Variants in DDX10 observed in about 807,000 individuals in gnomAD.
DDX10 encodes DEAD-box helicase 10, also known as probable ATP-dependent RNA helicase DDX10.
DDX10 carries 74 observed loss-of-function variants against 104.3 expected under a neutral mutation model. The ratio of observed to expected loss-of-function variants is 0.71; its 90% confidence interval spans 0.59 to 0.86. The LOEUF is 0.86. DDX10 is among the 40% of genes least tolerant of loss of function. The pLI, the probability that DDX10 is intolerant of heterozygous loss-of-function variation, is 0.00. For synonymous variants in DDX10, 351 were observed against 353.4 expected (o/e 0.99, Z 0.08); for missense variants, 952 against 1,040.0 (o/e 0.92, Z 1.16).
At chr11:108,864,495 C>T (rs1862982435) in intron 16 of DDX10, among the ~76,000 whole-genome samples, 1 of 151,926 alleles carries the variant, frequency 6.6e-6, no homozygotes, top group African/African-American at 2.4e-5. Flanking sequence ...TTTTTGGTGA[C>T]AGGGTCTTAC....
chr11:108,778,039 A>T (rs2094372462), intron 13 of DDX10, among the ~76,000 whole-genome samples: 1 of 152,216 alleles, frequency 6.6e-6, no homozygotes, highest in African/African-American at 2.4e-5. Flanking sequence ...TCAGCAAAAT[A>T]AAAGAGGACA....
intron 13 of DDX10, among the ~76,000 whole-genome samples, chr11:108,815,150 C>T (rs1158523212): frequency 6.6e-6 from 1 of 152,092 alleles, no homozygotes; most frequent in African/African-American, 2.4e-5. Flanking sequence ...AAGCATATTC[C>T]TGTTATATAC....
chr11:108,765,923 T>G (rs2094355859), intron 13 of DDX10, among the ~76,000 whole-genome samples: 1 of 152,222 alleles, frequency 6.6e-6, no homozygotes, highest in Admixed American at 6.5e-5. Context: ...TTAAGTAGCT[T>G]CTCATTCATT....
chr11:108,888,468 G>C (rs139950427), intron 16 of DDX10, among the ~76,000 whole-genome samples: 2 of 152,034 alleles, frequency 1.3e-5, no homozygotes, highest in African/African-American at 4.8e-5. Context: ...CTCTCTTCTG[G>C]TTGTAAAGGT....
chr11:108,872,820 T>TCCCCCCCCC (rs33959241), intron 16 of DDX10, among the ~76,000 whole-genome samples: 17 of 145,096 alleles, frequency 1.2e-4, no homozygotes, highest in East Asian at 2.1e-4. Context: ...TAATTTCCGT[T>TCCCCCCCCC]CCCCCCCCCT....
At position 108,723,421 on chromosome 11, in the gene DDX10, A is replaced by G. The variant is rs368580298; in HGVS notation, c.1924A>G (p.Asn642Asp). 6 of 1,613,582 alleles carry G rather than the reference A, an allele frequency of 3.7e-6. No homozygotes were observed. Among genetic ancestry groups the G allele is most frequent in the Non-Finnish European group, 5.1e-6 (6 of 1,179,796 alleles). Residue 642 changes from asparagine (N) to aspartate (D), a missense_variant, in exon 13 of 18, where the codon AAT becomes GAT. By Grantham distance (23) the Asn-to-Asp change is conservative. Around this residue, in one of 3 missense-constraint regions of DDX10, gnomAD observed 533 missense variants for 534.1 expected, o/e 1.00. Coordinates refer to ENST00000322536, the MANE Select transcript of DDX10 (RefSeq NM_004398.4). ...TGATTTCTTGAAGGTGAAGCGGCAT[A>G]ATGTGTTTGGATTGGACCTTAAAGA... Reference protein sequence around the residue: ...DADFLKVKRHNVFGLDLKDEK... With the variant: ...DADFLKVKRHDVFGLDLKDEK...
chr11:108,895,656 G>C (rs1311862225), intron 16 of DDX10, among the ~76,000 whole-genome samples: 1 of 151,902 alleles, frequency 6.6e-6, no homozygotes, highest in Non-Finnish European at 1.5e-5. Flanking sequence ...CTAGTCTTTA[G>C]TAATTGTCAC....
intron 13 of DDX10, among the ~76,000 whole-genome samples, chr11:108,767,126 A>G (rs145695607): frequency 1.1e-3 from 169 of 152,222 alleles, no homozygotes; most frequent in African/African-American, 3.6e-3. Flanking sequence ...CATATCGCCA[A>G]TTGTCTTTAG....
intron 13 of DDX10, among the ~76,000 whole-genome samples, chr11:108,760,761 G>C (rs1039563584): frequency 8.0e-5 from 12 of 150,332 alleles, no homozygotes; most frequent in African/African-American, 2.9e-4. Flanking sequence ...CAATAACTTA[G>C]AGATGAGTGA....
At chr11:108,722,858 T>A in intron 12 of DDX10, 139 bp from the exon 13 acceptor site, 1 of 1,305,852 alleles carries the variant, frequency 7.7e-7, no homozygotes, top group Admixed American at 3.1e-5. Context: ...ACTAACCTGT[T>A]AGTATTGAGT....
At chr11:108,796,864 GT>G (rs1861948275) in intron 13 of DDX10, among the ~76,000 whole-genome samples, 1 of 152,132 alleles carries the variant, frequency 6.6e-6, no homozygotes, top group South Asian at 2.1e-4. Flanking sequence ...AAAAGGACAA[GT>G]TTGGCCTCTT....
At chr11:108,872,083 G>A (rs971799099) in intron 16 of DDX10, among the ~76,000 whole-genome samples, 2 of 152,138 alleles carry the variant, frequency 1.3e-5, no homozygotes, top group Non-Finnish European at 2.9e-5. Flanking sequence ...TTCTGAATTT[G>A]CCTTATGAGT....
intron 13 of DDX10, among the ~76,000 whole-genome samples, chr11:108,784,422 A>G (rs960714535): frequency 6.6e-6 from 1 of 152,024 alleles, no homozygotes; most frequent in African/African-American, 2.4e-5. Flanking sequence ...TTTTTGAGAC[A>G]AGGTCTTGCT....
At chr11:108,678,231 C>A in intron 4 of DDX10, 84 bp from the exon 5 acceptor site, 1 of 1,349,884 alleles carries the variant, frequency 7.4e-7, no homozygotes, top group Non-Finnish European at 1.0e-6. Context: ...GATGAAATGC[C>A]CATGCAGATG....
intron 13 of DDX10, among the ~76,000 whole-genome samples, chr11:108,797,355 A>G (rs193180953): frequency 6.6e-6 from 1 of 152,318 alleles, no homozygotes; most frequent in African/African-American, 2.4e-5. Context: ...TTTATACATT[A>G]GTCTGTGGTA....
chr11:108,913,264 A>T (rs1328598673), intron 16 of DDX10, among the ~76,000 whole-genome samples: 1 of 152,096 alleles, frequency 6.6e-6, no homozygotes, highest in Non-Finnish European at 1.5e-5. Context: ...TTCAGTCCAG[A>T]AAGGCAGGAC....
At chr11:108,871,222 C>T (rs996332483) in intron 16 of DDX10, among the ~76,000 whole-genome samples, 3 of 152,054 alleles carry the variant, frequency 2.0e-5, no homozygotes, top group Admixed American at 6.5e-5. Flanking sequence ...TGCCCATGTA[C>T]CATACAAGCA....
In DDX10 at chr11:108,940,855, G is replaced by T. The variant is rs1221079422; in HGVS notation, c.*432G>T. 1 of 210,914 alleles carries T rather than the reference G, an allele frequency of 4.7e-6. No individual in the cohort carries two copies. The highest frequency in any genetic ancestry group is 5.8e-5 in the Admixed American group (1 of 17,118). 13.1% of individuals were successfully genotyped at this position (210,914 alleles called of 1,614,324 possible). ...TAATATTTTCAAAGAGACTATGATG[G>T]ACCAGCCCTGAGAAAGAATGAGTAT... On this transcript the variant is annotated 3_prime_UTR_variant, in exon 18 of 18. Coordinates refer to ENST00000322536, the MANE Select transcript of DDX10 (RefSeq NM_004398.4).
At chr11:108,720,844 C>T (rs1397551698) in intron 12 of DDX10, among the ~76,000 whole-genome samples, 1 of 151,224 alleles carries the variant, frequency 6.6e-6, no homozygotes, top group Admixed American at 6.6e-5. Flanking sequence ...CCCCCCACCT[C>T]AGCCTTCCAA....
Sources: allele counts gnomAD v4.1 joint callset (sites outside exome capture counted in the v4.1 genomes callset), GRCh38; gene constraint gnomAD v4.1.1; regional missense constraint gnomAD v4.1.1; transcripts MANE v1.5; gene names NCBI Gene and HGNC (gene_info 2026-07-23, HGNC 2026-07-21).